Variants in NCLN observed in about 807,000 individuals in gnomAD.
NCLN encodes nicalin.
NCLN carries 34 observed loss-of-function variants against 69.5 expected under a neutral mutation model. That is an observed-to-expected ratio of 0.49 (90% CI 0.37 to 0.65). The LOEUF is 0.65. Among genes scored for constraint, NCLN ranks in the 30% least tolerant of loss-of-function variants. The pLI, the probability that NCLN is intolerant of heterozygous loss-of-function variation, is 0.00. For missense variants in NCLN, 710 were observed against 804.8 expected (o/e 0.88, Z 1.42); for synonymous variants, 393 against 358.3 (o/e 1.10, Z -1.09).
chr19:3,195,200 A>G (rs1198600751), intron 3 of NCLN, among the ~76,000 whole-genome samples: 1 of 150,396 alleles, frequency 6.6e-6, no homozygotes, highest in African/African-American at 2.4e-5. Flanking sequence ...AAAAAATTAC[A>G]GAGAGTTCCC....
At chr19:3,199,947 T>G (rs519271) in intron 5 of NCLN, among the ~76,000 whole-genome samples, 1 of 151,490 alleles carries the variant, frequency 6.6e-6, no homozygotes, top group Non-Finnish European at 1.5e-5. Context: ...TGATTTGCCC[T>G]CCTCAGCCTC....
At chr19:3,206,883 G>A (rs986676243) in intron 12 of NCLN, among the ~76,000 whole-genome samples, 1 of 152,148 alleles carries the variant, frequency 6.6e-6, no homozygotes, top group South Asian at 2.1e-4. Flanking sequence ...GTGCAGTGGC[G>A]TGATCTTGTC....
At chr19:3,193,937 A>G (rs1375812692) in intron 3 of NCLN, among the ~76,000 whole-genome samples, 2 of 152,158 alleles carry the variant, frequency 1.3e-5, no homozygotes, top group Non-Finnish European at 2.9e-5. Flanking sequence ...GTGGGGAAAG[A>G]TGGGAGTTGC....
chr19:3,203,344 TGAATA>T lies in NCLN; in HGVS notation c.801-409_801-405del, dbSNP rs576902405. 2.6e-5 allele frequency among the ~76,000 whole-genome samples: 4 copies of T among 151,966 alleles called. No homozygotes were observed. In the South Asian group the frequency reaches 8.3e-4, roughly 32 times the overall value. On this transcript the variant is annotated intron_variant, in intron 6 of 14. Transcript: ENST00000246117. Reference sequence around the variant, plus strand: ...AAAAAAAGAATTCTTCTTCTTTAAGTGAATAGACTTTATTTTTTTGATCTCCTCGT... The same window carrying T: ...AAAAAAAGAATTCTTCTTCTTTAAGTGACTTTATTTTTTTGATCTCCTCGT...
At chr19:3,186,268 T>G in intron 1 of NCLN, 54 bp downstream of exon 1, 1 of 1,401,182 alleles carries the variant, frequency 7.1e-7, no homozygotes, top group African/African-American at 1.5e-5. Flanking sequence ...GCCACGCCAC[T>G]CCGGCCCGGC....
chr19:3,197,650 C>T (rs1294798016), intron 4 of NCLN, among the ~76,000 whole-genome samples: 3 of 128,442 alleles, frequency 2.3e-5, no homozygotes, highest in Non-Finnish European at 3.2e-5. Flanking sequence ...GATGGAGTTT[C>T]GCTCCTGTTG....
intron 3 of NCLN, among the ~76,000 whole-genome samples, chr19:3,193,804 G>A (rs922937231): frequency 1.3e-4 from 20 of 152,162 alleles, no homozygotes; most frequent in Admixed American, 6.5e-4. Flanking sequence ...TCGAGTGGGC[G>A]GCGTGGGTGC....
At chr19:3,193,711 G>A (rs1414291034) in intron 3 of NCLN, among the ~76,000 whole-genome samples, 1 of 152,206 alleles carries the variant, frequency 6.6e-6, no homozygotes, top group East Asian at 1.9e-4. Context: ...GAGCCTTTCC[G>A]ATCCTCAGGG....
rs528318243 is a variant in NCLN at position 3,193,457 on chromosome 19, C to T, written c.520+29C>T. ...TGCTCTGGGCTGCAGGGACGGGGCC[C>T]GTGGGCGTGGGTGTGGGGAGGCGTC... On this transcript the variant is annotated intron_variant, in intron 3 of 14. Coordinates refer to ENST00000246117, the MANE Select transcript of NCLN (RefSeq NM_020170.4). The T allele has an allele frequency of 4.3e-5, 68 of 1,565,310 alleles. 1 individual carries two copies. The Admixed American group carries it at 9.8e-4, about 22-fold the overall frequency.
rs948040970 is a variant in NCLN, at chr19:3,195,922, G to T, written c.521-261G>T. Among the ~76,000 whole-genome samples the T allele has an allele frequency of 3.3e-5, 5 of 152,240 alleles. 1 individual carries two copies. The highest frequency in any genetic ancestry group is 7.3e-5 in the Non-Finnish European group (5 of 68,042). On this transcript the variant is annotated intron_variant, in intron 3 of 14. Transcript: ENST00000246117. ...CCTAAGTGAACAGCTGTTATTGAGGGCCCGGGAGGAAAGGATCAGAATGGC... is the reference window on the plus strand; with the variant it reads ...CCTAAGTGAACAGCTGTTATTGAGGTCCCGGGAGGAAAGGATCAGAATGGC...
chr19:3,193,443 G>T lies in NCLN; in HGVS notation c.520+15G>T. On this transcript the variant is annotated intron_variant, in intron 3 of 14. Coordinates refer to ENST00000246117, the MANE Select transcript of NCLN (RefSeq NM_020170.4). The stretch of plus-strand genomic sequence containing the variant: ...TGCTGCTGAAGGTGTGCTCTGGGCT[G>T]CAGGGACGGGGCCCGTGGGCGTGGG... 1 of 1,586,832 alleles carries T rather than the reference G, an allele frequency of 6.3e-7. No individual in the cohort carries two copies.
intron 4 of NCLN, among the ~76,000 whole-genome samples, chr19:3,197,387 G>A (rs1046113878): frequency 3.3e-5 from 5 of 152,334 alleles, no homozygotes; most frequent in Non-Finnish European, 4.4e-5. Context: ...GCCAGACGGG[G>A]AGTCCCCAGG....
chr19:3,206,534 A>G, intron 12 of NCLN, 109 bp downstream of exon 12: 2 of 1,346,840 alleles, frequency 1.5e-6, no homozygotes, highest in Non-Finnish European at 2.0e-6. Flanking sequence ...TGGAGCAAAT[A>G]CAAAGAGAGG....
rs770706291 is a variant in NCLN at position 3,206,214 on chromosome 19, G to C, written c.1335+24G>C. The C allele has an allele frequency of 6.6e-6, 7 of 1,063,312 alleles. No homozygotes were observed. The South Asian group carries it at 1.0e-4, about 16-fold the overall frequency. The allele number at this position is 1,063,312 out of a possible 1,614,324, so 65.9% of individuals were successfully genotyped here. On this transcript the variant is annotated intron_variant, in intron 11 of 14. Transcript: ENST00000246117. The stretch of plus-strand genomic sequence containing the variant: ...TGGTAAGGGGGCCAGGCCAGTGGGT[G>C]GGTGGGTGGGCGGGGCCAGGCCATG...
chr19:3,192,396 C>T (rs2144898578), intron 1 of NCLN, 74 bp from the exon 2 acceptor site: 1 of 1,299,206 alleles, frequency 7.7e-7, no homozygotes, highest in Non-Finnish European at 1.0e-6. Flanking sequence ...TGAGTGGGTC[C>T]CTGGCCTGGA....
chr19:3,192,277 G>A (rs1411080659), intron 1 of NCLN, among the ~76,000 whole-genome samples, 193 bp from the exon 2 acceptor site: 2 of 139,048 alleles, frequency 1.4e-5, no homozygotes, highest in South Asian at 5.0e-4. Context: ...CCCGGCACGC[G>A]TTCATGGCCC....
chr19:3,186,638 T>G (rs989097309), intron 1 of NCLN, among the ~76,000 whole-genome samples: 106 of 152,332 alleles, frequency 7.0e-4, no homozygotes, highest in Non-Finnish European at 1.2e-3. Flanking sequence ...CGTCCTGACC[T>G]CCAGCTCCCA....
intron 1 of NCLN, among the ~76,000 whole-genome samples, 180 bp from the exon 2 acceptor site, chr19:3,192,290 G>C (rs563593869): frequency 8.0e-6 from 1 of 124,958 alleles, no homozygotes; most frequent in Non-Finnish European, 1.8e-5. Flanking sequence ...CATGGCCCCT[G>C]TGACCCGTTA....
intron 1 of NCLN, among the ~76,000 whole-genome samples, chr19:3,190,484 G>A (rs954538578): frequency 1.3e-5 from 2 of 152,164 alleles, no homozygotes; most frequent in Admixed American, 6.5e-5. Flanking sequence ...CCCTCCCACC[G>A]CTTCCCAGAC....
Sources: allele counts gnomAD v4.1 joint callset (sites outside exome capture counted in the v4.1 genomes callset), GRCh38; gene constraint gnomAD v4.1.1; transcripts MANE v1.5; gene names NCBI Gene and HGNC (gene_info 2026-07-23, HGNC 2026-07-21).